The following PRKD2 variants were observed in gnomAD, a reference collection of about 807,000 sequenced individuals.
The protein encoded by PRKD2 is protein kinase D2.
Under a neutral mutation model 86.0 loss-of-function variants are expected in PRKD2, and 22 were observed. The observed-to-expected ratio is 0.26, with a 90% confidence interval of 0.18 to 0.37. PRKD2 has a LOEUF of 0.37. Among genes scored for constraint, PRKD2 ranks in the 10% least tolerant of loss-of-function variants. The pLI, the probability that PRKD2 is intolerant of heterozygous loss-of-function variation, is 1.00. For missense variants in PRKD2, 818 were observed against 1,199.2 expected, an observed-to-expected ratio of 0.68 and a Z score of 4.70; for synonymous variants, 509 against 510.9, an observed-to-expected ratio of 1.00 and a Z score of 0.05.
intron 15 of PRKD2, among the ~76,000 whole-genome samples, chr19:46,679,260 G>A (rs2053259837): frequency 6.6e-6 from 1 of 152,106 alleles, no homozygotes; most frequent in Non-Finnish European, 1.5e-5. Context: ...AACCTGGGAG[G>A]CAGAGGTTGC....
At position 46,714,243 on chromosome 19, in the gene PRKD2, TGGGA is replaced by T. The variant is rs1231892066; in HGVS notation, c.241-246_241-243del. 3.9e-6 allele frequency: 5 copies of T among 1,282,184 alleles called. No homozygotes were observed. In the African/African-American group the frequency reaches 4.6e-5, roughly 12 times the overall value. 79.4% of individuals were successfully genotyped at this position (1,282,184 alleles called of 1,614,324 possible). On this transcript the variant is annotated intron_variant, in intron 1 of 17. Coordinates refer to ENST00000291281, the MANE Select transcript of PRKD2 (RefSeq NM_016457.5). ...TGGTGGCTGGAAGGGGGAGCTGGGGTGGGAGGGAGAGTGGCTCCGGGAGCGTGGA... is the reference window on the plus strand; with the variant it reads ...TGGTGGCTGGAAGGGGGAGCTGGGGTGGGAGAGTGGCTCCGGGAGCGTGGA...
chr19:46,710,817 C>T (rs1207483786), intron 3 of PRKD2, 90 bp downstream of exon 3: 28 of 1,367,050 alleles, frequency 2.0e-5, no homozygotes, highest in Non-Finnish European at 2.4e-5. Flanking sequence ...CGCTCCTCCT[C>T]CCCACGCTGT....
chr19:46,692,020 C>G, intron 10 of PRKD2, 35 bp from the exon 11 acceptor site: 1 of 1,597,850 alleles, frequency 6.3e-7, no homozygotes, highest in Non-Finnish European at 8.6e-7. Context: ...TGAGGGGACT[C>G]CAGGCTCAGG....
chr19:46,692,907 T>C (rs1398056618), intron 10 of PRKD2, among the ~76,000 whole-genome samples: 2 of 152,160 alleles, frequency 1.3e-5, no homozygotes, highest in Non-Finnish European at 2.9e-5. Flanking sequence ...CAAGTTGGAT[T>C]ACTCTCGCAA....
At position 46,708,971 on chromosome 19, in the gene PRKD2, G is replaced by GTTTTTTTTTTT. The variant is rs796086305; in HGVS notation, c.511+1935_511+1936insAAAAAAAAAAA. Among the ~76,000 whole-genome samples, 20 of 80,286 alleles carry GTTTTTTTTTTT rather than the reference G, an allele frequency of 2.5e-4. 1 individual carries two copies. The highest frequency in any genetic ancestry group is 3.8e-4 in the Admixed American group (3 of 7,932). 52.7% of individuals were successfully genotyped at this position (80,286 alleles called of 152,430 possible). A position where few individuals can be genotyped will look rare whatever the true frequency, so the allele number is the denominator to read the frequency against. On this transcript the variant is annotated intron_variant, in intron 3 of 17. Coordinates refer to ENST00000291281, the MANE Select transcript of PRKD2 (RefSeq NM_016457.5). ...TTGCCATGAAGGTTGGTTTGTTTGT[G>GTTTTTTTTTTT]GTTTTTTTTTTTTTTTTTTTTTTTG...
intron 3 of PRKD2, among the ~76,000 whole-genome samples, chr19:46,709,844 C>T (rs2053777778): frequency 6.6e-6 from 1 of 152,100 alleles, no homozygotes; most frequent in Non-Finnish European, 1.5e-5. Flanking sequence ...TGCCTGAGTT[C>T]CCACTTGCCC....
Position 46,694,137 on chromosome 19 carries a change from C to T in PRKD2, c.1318-4G>A. On this transcript the variant is annotated splice_polypyrimidine_tract_variant and splice_region_variant and intron_variant, in intron 9 of 17. Transcript: ENST00000291281. ...GGATTTCTGACAGCGGAATTTCCTG[C>T]AGGACGTGGAACCAGCACAGGTGAG... The T allele has an allele frequency of 6.2e-7, 1 of 1,613,044 alleles. No homozygotes were observed. Among genetic ancestry groups the T allele is most frequent in the Non-Finnish European group, 8.5e-7 (1 of 1,179,232 alleles).
chr19:46,686,102 CCA>C (rs1280185473), intron 14 of PRKD2: 1 of 152,064 alleles, frequency 6.6e-6, no homozygotes, highest in African/African-American at 2.4e-5. Context: ...GCTCTGAGAC[CCA>C]CAGAGATGTC....
rs945334104 is a variant in PRKD2, at chr19:46,716,524, G to A, written c.-154C>T. On this transcript the variant is annotated 5_prime_UTR_variant, in exon 1 of 18. Transcript: ENST00000291281. The surrounding 1 kb of genome is among the most constrained non-coding windows in gnomAD (Gnocchi z 7.9). ...ATCTGGCAGGCGGAGGGGACCTGAG[G>A]ATGGCGGGGTCCTGGGAAGGAGAGA... 2 of 504,896 alleles carry A rather than the reference G, an allele frequency of 4.0e-6. No individual in the cohort carries two copies. The highest frequency in any genetic ancestry group is 1.0e-3 in the Middle Eastern group (2 of 1,962). The allele number at this position is 504,896 out of a possible 1,614,324, so 31.3% of individuals were successfully genotyped here. A position where few individuals can be genotyped will look rare whatever the true frequency, so the allele number is the denominator to read the frequency against.
intron 12 of PRKD2, among the ~76,000 whole-genome samples, chr19:46,691,376 C>G (rs968935206): frequency 6.6e-6 from 1 of 152,062 alleles, no homozygotes; most frequent in Non-Finnish European, 1.5e-5. Context: ...CGAACTAGTT[C>G]TGTGGCCAAT....
In PRKD2 at chr19:46,674,544, C is replaced by T. The variant is rs754132860; in HGVS notation, c.2616G>A (p.Ala872=). The change falls in exon 18 of 18, where the codon GCG becomes GCA. Residue 872 remains alanine (A), a synonymous_variant. Coordinates refer to ENST00000291281, the MANE Select transcript of PRKD2 (RefSeq NM_016457.5). ...GACCTCAGAGAACACTGATGCGCTC[C>T]GCCAGCCCCTGCATGTCGTGGTCCT... ...PPQDHDMQGL[A]ERISVL 9.3e-6 allele frequency: 15 copies of T among 1,612,810 alleles called. No individual in the cohort carries two copies. Among genetic ancestry groups the T allele is most frequent in the South Asian group, 5.5e-5 (5 of 91,004 alleles).
Position 46,710,979 on chromosome 19 carries a change from G to T in PRKD2, c.439C>A (p.Arg147=). 1.9e-6 allele frequency: 3 copies of T among 1,576,082 alleles called. No individual in the cohort carries two copies. Among genetic ancestry groups the T allele is most frequent in the Non-Finnish European group, 8.6e-7 (1 of 1,160,908 alleles). Residue 147 remains arginine (R), a synonymous_variant, in exon 3 of 18, where the codon CGG becomes AGG. Coordinates refer to ENST00000291281, the MANE Select transcript of PRKD2 (RefSeq NM_016457.5). ...CAGTGATCACAGAAGGCAGGCGCCC[G>T]ATAGGAGTGCACCGTGAGGGCGTGC... ...RPHALTVHSY[R]APAFCDHCGE...
chr19:46,711,620 C>T (rs994791726), intron 2 of PRKD2, among the ~76,000 whole-genome samples: 5 of 152,010 alleles, frequency 3.3e-5, no homozygotes, highest in Admixed American at 2.6e-4. Context: ...CTCAAACTCC[C>T]GACCTCAGGT....
At chr19:46,708,972 G>GTTTTTTTTT (rs1363680607) in intron 3 of PRKD2, among the ~76,000 whole-genome samples, 2 of 136,366 alleles carry the variant, frequency 1.5e-5, no homozygotes, top group Non-Finnish European at 1.6e-5. Context: ...TTTGTTTGTG[G>GTTTTTTTTT]TTTTTTTTTT....
intron 2 of PRKD2, among the ~76,000 whole-genome samples, chr19:46,713,265 G>C (rs952282118): frequency 6.9e-6 from 1 of 145,888 alleles, no homozygotes; most frequent in African/African-American, 2.6e-5. Flanking sequence ...GGGCTCCAGC[G>C]ATCCTCCCAC....
intron 7 of PRKD2, among the ~76,000 whole-genome samples, chr19:46,698,327 T>C (rs1056464750): frequency 6.6e-6 from 1 of 151,978 alleles, no homozygotes; most frequent in African/African-American, 2.4e-5. Flanking sequence ...CCTCCCAGAG[T>C]GCTTACAGGT....
rs1363680607 is a variant in PRKD2 at position 46,708,972 on chromosome 19, G to GT, written c.511+1934dup. On this transcript the variant is annotated intron_variant, in intron 3 of 17. Coordinates refer to ENST00000291281, the MANE Select transcript of PRKD2 (RefSeq NM_016457.5). ...TGCCATGAAGGTTGGTTTGTTTGTG[G>GT]TTTTTTTTTTTTTTTTTTTTTTTGA... Among the ~76,000 whole-genome samples the GT allele has an allele frequency of 4.5e-3, 613 of 135,982 alleles. 4 individuals are homozygous for GT. The highest frequency in any genetic ancestry group is 9.3e-3 in the East Asian group (42 of 4,504). 89.2% of individuals were successfully genotyped at this position (135,982 alleles called of 152,430 possible). A position where few individuals can be genotyped will look rare whatever the true frequency, so the allele number is the denominator to read the frequency against.
At chr19:46,704,787 G>T in intron 3 of PRKD2, 138 bp from the exon 4 acceptor site, 1 of 1,141,274 alleles carries the variant, frequency 8.8e-7, no homozygotes, top group Non-Finnish European at 1.2e-6. Flanking sequence ...CCTCCAAAAG[G>T]CACTACTATC....
chr19:46,676,624 G>A (rs1029138048), intron 16 of PRKD2, among the ~76,000 whole-genome samples: 1 of 152,208 alleles, frequency 6.6e-6, no homozygotes, highest in Non-Finnish European at 1.5e-5. Flanking sequence ...GAACCCATCC[G>A]AGGAGAGGCC....
Sources: gnomAD v4.1 joint callset for allele counts (sites outside exome capture counted in the v4.1 genomes callset) on GRCh38, gnomAD v4.1.1 for gene constraint, Gnocchi (gnomAD v3.1) non-coding constraint, MANE v1.5 for transcripts, NCBI Gene and HGNC (gene_info 2026-07-23, HGNC 2026-07-21) for gene names.